The following SNX13 variants were observed in gnomAD, a reference collection of about 807,000 sequenced individuals.
The protein encoded by SNX13 is sorting nexin 13.
Under a neutral mutation model 133.6 loss-of-function variants are expected in SNX13, and 45 were observed. The observed-to-expected ratio is 0.34, with a 90% CI of 0.27 to 0.43. The LOEUF (loss-of-function observed/expected upper bound fraction) is 0.43. SNX13 is among the 20% of genes least tolerant of loss of function. The pLI, the probability that SNX13 is intolerant of heterozygous loss-of-function variation, is 1.00. For synonymous variants in SNX13, 414 were observed against 373.9 expected (o/e 1.11, Z -1.24); for missense variants, 1,032 against 1,145.1 (o/e 0.90, Z 1.43).
intron 1 of SNX13, among the ~76,000 whole-genome samples, chr7:17,930,788 C>A (rs1053718774): frequency 1.3e-5 from 2 of 152,046 alleles, no homozygotes; most frequent in Non-Finnish European, 2.9e-5. Flanking sequence ...GGGTTAGTGG[C>A]GGGGAGTGGG....
rs542943821 is a variant in SNX13, at chr7:17,819,971, T to C, written c.1845+1538A>G. 1.2e-3 allele frequency among the ~76,000 whole-genome samples: 184 copies of C among 152,160 alleles called. 1 individual carries two copies. Among genetic ancestry groups the C allele is most frequent in the African/African-American group, 4.2e-3 (173 of 41,534 alleles). ...ATGTCCATTTCACTCACGTGAGCTG[T>C]TTGAAAAAGAAATTGTGCTGTATCA... is the stretch of plus-strand genomic sequence containing the variant. On this transcript the variant is annotated intron_variant, in intron 18 of 25. Transcript: ENST00000428135.
chr7:17,913,667 G>A (rs1303852692), intron 1 of SNX13, among the ~76,000 whole-genome samples: 1 of 146,142 alleles, frequency 6.8e-6, no homozygotes, highest in Non-Finnish European at 1.5e-5. Flanking sequence ...AAAGCCAACT[G>A]ATCACAAGCA....
At chr7:17,849,829 T>C (rs532296067) in intron 11 of SNX13, among the ~76,000 whole-genome samples, 1 of 152,378 alleles carries the variant, frequency 6.6e-6, no homozygotes, top group African/African-American at 2.4e-5. Context: ...GATCTCACTA[T>C]GATCAAGTGT....
At chr7:17,880,063 T>C (rs1795166357) in intron 5 of SNX13, 1 of 152,210 alleles carries the variant, frequency 6.6e-6, no homozygotes, top group Admixed American at 6.5e-5. Context: ...AGTTCAATTA[T>C]ATAAATCTTC....
In SNX13 at chr7:17,793,612, T is replaced by A. The variant is rs889966259; in HGVS notation, c.*433A>T. 6.5e-6 allele frequency: 1 copy of A among 153,996 alleles called. No individual in the cohort carries two copies. The highest frequency in any genetic ancestry group is 1.4e-5 in the Non-Finnish European group (1 of 69,296). The allele number at this position is 153,996 out of a possible 1,614,324, so 9.5% of individuals were successfully genotyped here. A position where few individuals can be genotyped will look rare whatever the true frequency, so the allele number is the denominator to read the frequency against. On this transcript the variant is annotated 3_prime_UTR_variant, in exon 26 of 26. Coordinates refer to ENST00000428135, the MANE Select transcript of SNX13 (RefSeq NM_015132.5). ...TGCTGACAGACCTACAAAATCATTATGCCAAACAAACTCCTCCAAGTCGTA... is the reference window on the plus strand; with the variant it reads ...TGCTGACAGACCTACAAAATCATTAAGCCAAACAAACTCCTCCAAGTCGTA...
At chr7:17,863,075 A>T (rs1008060896) in intron 9 of SNX13, among the ~76,000 whole-genome samples, 2 of 152,108 alleles carry the variant, frequency 1.3e-5, no homozygotes, top group Admixed American at 1.3e-4. Context: ...GAAACTGAGA[A>T]CTGCTCTGTC....
intron 17 of SNX13, among the ~76,000 whole-genome samples, chr7:17,823,226 A>G (rs1362024064): frequency 6.6e-6 from 1 of 152,062 alleles, no homozygotes; most frequent in Non-Finnish European, 1.5e-5. Flanking sequence ...TTTCCCCTTC[A>G]GCTATACTTA....
intron 5 of SNX13, among the ~76,000 whole-genome samples, chr7:17,876,538 C>A (rs553091590): frequency 6.7e-6 from 1 of 148,980 alleles, no homozygotes; most frequent in East Asian, 2.0e-4. Flanking sequence ...TGTGACCACA[C>A]CACTGCATTC....
At chr7:17,922,882 T>A (rs1188199248) in intron 1 of SNX13, among the ~76,000 whole-genome samples, 2 of 152,202 alleles carry the variant, frequency 1.3e-5, no homozygotes, top group Non-Finnish European at 2.9e-5. Context: ...GGTATGAAAG[T>A]AGACATGCAG....
At chr7:17,816,148 G>A (rs1786633653) in intron 19 of SNX13, 34 bp downstream of exon 19, 3 of 1,501,022 alleles carry the variant, frequency 2.0e-6, no homozygotes, top group African/African-American at 1.4e-5. Flanking sequence ...TATATTAAAT[G>A]AAAATCTGTG....
At chr7:17,933,816 C>T (rs530207587) in intron 1 of SNX13, among the ~76,000 whole-genome samples, 1 of 150,966 alleles carries the variant, frequency 6.6e-6, no homozygotes, top group South Asian at 2.1e-4. Flanking sequence ...AAAAAAAACC[C>T]GATGTACTAC....
chr7:17,885,165 G>A (rs894502436), intron 5 of SNX13, among the ~76,000 whole-genome samples: 5 of 151,744 alleles, frequency 3.3e-5, no homozygotes, highest in Non-Finnish European at 7.4e-5. Flanking sequence ...CAATAAAAAA[G>A]AATAAGCACT....
At position 17,831,203 on chromosome 7, in the gene SNX13, T is replaced by C. The variant is rs952909156; in HGVS notation, c.1598-1156A>G. 4.5e-5 allele frequency: 44 copies of C among 984,142 alleles called. No homozygotes were observed. In the African/African-American group the frequency reaches 7.2e-4, roughly 16 times the overall value. 61.0% of individuals were successfully genotyped at this position (984,142 alleles called of 1,614,324 possible). On this transcript the variant is annotated intron_variant, in intron 15 of 25. Transcript: ENST00000428135. Reference sequence around the variant, plus strand: ...AATAAGAAGATCCAGAAATACAGTATAAAATCAATCTTGGTCGACATTTAA... The same window carrying C: ...AATAAGAAGATCCAGAAATACAGTACAAAATCAATCTTGGTCGACATTTAA...
intron 1 of SNX13, among the ~76,000 whole-genome samples, chr7:17,910,569 C>A (rs1424288829): frequency 6.6e-6 from 1 of 152,008 alleles, no homozygotes; most frequent in Non-Finnish European, 1.5e-5. Context: ...TATGTACATA[C>A]CCAAAATAAT....
At chr7:17,862,491 T>C (rs115220935) in intron 9 of SNX13, among the ~76,000 whole-genome samples, 2,269 of 152,324 alleles carry the variant, frequency 0.015, 58 homozygotes, top group African/African-American at 0.052. Flanking sequence ...TTTCAGTGTA[T>C]ATCCTATGAG....
chr7:17,821,233 C>A (rs984027356), intron 18 of SNX13, among the ~76,000 whole-genome samples: 1 of 152,150 alleles, frequency 6.6e-6, no homozygotes. Context: ...AATACACACA[C>A]GCAAATTTTA....
intron 15 of SNX13, chr7:17,832,425 C>T: frequency 1.0e-6 from 1 of 984,540 alleles, no homozygotes; most frequent in African/African-American, 1.7e-5. Flanking sequence ...TAGAAGCCCA[C>T]ACAATTATTT....
At chr7:17,839,606 T>C (rs1002567404) in intron 13 of SNX13, among the ~76,000 whole-genome samples, 2 of 152,002 alleles carry the variant, frequency 1.3e-5, no homozygotes, top group East Asian at 3.9e-4. Flanking sequence ...TCATTTAGTA[T>C]TTGCATGACT....
chr7:17,791,913 T>C lies in SNX13; in HGVS notation c.*2132A>G, dbSNP rs1226414876. The C allele has an allele frequency of 1.3e-5, 2 of 152,124 alleles. No homozygotes were observed. The highest frequency in any genetic ancestry group is 2.4e-5 in the African/African-American group (1 of 41,456). The allele number at this position is 152,124 out of a possible 1,614,324, so 9.4% of individuals were successfully genotyped here. A position where few individuals can be genotyped will look rare whatever the true frequency, so the allele number is the denominator to read the frequency against. Reference sequence around the variant, plus strand: ...TTTGACATTTTCTGCTTCTGAAATATAAACTCTTCTAAACAAAAATTACTT... The same window carrying C: ...TTTGACATTTTCTGCTTCTGAAATACAAACTCTTCTAAACAAAAATTACTT... On this transcript the variant is annotated 3_prime_UTR_variant, in exon 26 of 26. Coordinates refer to ENST00000428135, the MANE Select transcript of SNX13 (RefSeq NM_015132.5).
Sources: allele counts gnomAD v4.1 joint callset (sites outside exome capture counted in the v4.1 genomes callset), GRCh38; gene constraint gnomAD v4.1.1; transcripts MANE v1.5; gene names NCBI Gene and HGNC (gene_info 2026-07-23, HGNC 2026-07-21).